Variants in FAM50B observed in about 807,000 individuals in gnomAD.
The protein encoded by FAM50B is protein FAM50B.
Under a neutral mutation model 25.4 loss-of-function variants are expected in FAM50B, and 9 were observed. The ratio of observed to expected loss-of-function variants is 0.35; its 90% confidence interval spans 0.21 to 0.62. The LOEUF is 0.62. Ranked by LOEUF, FAM50B falls within the 20% of genes least tolerant of loss-of-function variation. FAM50B has a pLI of 0.73. For synonymous variants in FAM50B, 212 were observed against 204.3 expected (o/e 1.04, Z -0.32); for missense variants, 372 against 477.9 (o/e 0.78, Z 2.07).
At chr6:3,841,679 AACACTAG>A in the FAM50B span, among the ~76,000 whole-genome samples, 1 of 152,230 alleles carries the variant, frequency 6.6e-6, no homozygotes, top group Non-Finnish European at 1.5e-5. Context: ...ACCCAAAGTC[AACACTAG>A]GTTCAGGCAT....
chr6:3,847,237 G>A (rs934637801), upstream of FAM50B, among the ~76,000 whole-genome samples: 2 of 152,228 alleles, frequency 1.3e-5, no homozygotes, highest in Non-Finnish European at 1.5e-5. Context: ...CTCCTCTCTA[G>A]ATATAAAAGT....
the FAM50B span, among the ~76,000 whole-genome samples, chr6:3,834,359 C>CAAAAAAAAAAAAAAAAAAAGAA: frequency 5.6e-4 from 42 of 74,946 alleles, no homozygotes; most frequent in Non-Finnish European, 7.8e-4. Context: ...TGATATATGG[C>CAAAAAAAAAAAAAAAAAAAGAA]AAAAAAAAAA....
chr6:3,835,825 C>T, the FAM50B span, among the ~76,000 whole-genome samples: 4 of 152,162 alleles, frequency 2.6e-5, no homozygotes, highest in East Asian at 3.8e-4. Context: ...CCAATTCTCC[C>T]GACACTGTGG....
rs1288238703 is a variant in FAM50B at position 3,850,631 on chromosome 6, G to A, written c.820G>A (p.Val274Met). 2.5e-6 allele frequency: 4 copies of A among 1,614,008 alleles called. No homozygotes were observed. The African/African-American group carries it at 4.0e-5, about 16-fold the overall frequency. ...CTTCAGCTTCGATGTGCACGATGAC[G>A]TGCGCCTGCTCAGCGACGCCACCAT... Reference protein sequence around the residue: ...PLFSFDVHDDVRLLSDATMEK... With the variant: ...PLFSFDVHDDMRLLSDATMEK... The change falls in exon 2 of 2, where the codon GTG (valine) becomes ATG (methionine). Residue 274 changes from valine to methionine, a missense_variant. By Grantham distance (21) the Val-to-Met change is conservative (BLOSUM62 1). Around this residue, in one of 4 missense-constraint regions of FAM50B, gnomAD observed 27 missense variants for 61.6 expected, o/e 0.44. Transcript: ENST00000648326.
At chr6:3,849,508 C>T in intron 1 of FAM50B, 22 bp downstream of exon 1, 1 of 378,600 alleles carries the variant, frequency 2.6e-6, no homozygotes, top group Non-Finnish European at 4.8e-6. Flanking sequence ...CTCAGTAGCC[C>T]AACCCTCTCT....
the FAM50B span, among the ~76,000 whole-genome samples, chr6:3,834,874 T>TTAAAATTTTTATA: frequency 2.6e-4 from 39 of 152,332 alleles, no homozygotes; most frequent in South Asian, 7.7e-3. Flanking sequence ...CCCATTTATA[T>TTAAAATTTTTATA]TAAAATTAAC....
At chr6:3,841,274 T>A in the FAM50B span, among the ~76,000 whole-genome samples, 2 of 152,204 alleles carry the variant, frequency 1.3e-5, no homozygotes, top group Non-Finnish European at 2.9e-5. Flanking sequence ...CAACCACAGA[T>A]GATAATGCAA....
chr6:3,843,148 T>C, the FAM50B span, among the ~76,000 whole-genome samples: 2 of 152,330 alleles, frequency 1.3e-5, no homozygotes, highest in African/African-American at 4.8e-5. Context: ...GGCCAGACAT[T>C]TCAATCTATC....
chr6:3,839,774 T>C, the FAM50B span, among the ~76,000 whole-genome samples: 2 of 152,166 alleles, frequency 1.3e-5, no homozygotes, highest in African/African-American at 4.8e-5. Flanking sequence ...GGTTAAACTA[T>C]TAATATCAAC....
chr6:3,850,410 C>T lies in FAM50B; in HGVS notation c.599C>T (p.Thr200Met), dbSNP rs144921822. The T allele has an allele frequency of 4.9e-4, 795 of 1,613,332 alleles. 3 individuals are homozygous for T. In the Middle Eastern group the frequency reaches 6.1e-3, roughly 12 times the overall value. ...TGGGACGGCTCGGGCCACCGGCGCA[C>T]GGTGCGGGTGCGCAAGGGCAACACG... ...SYWDGSGHRR[T>M]VRVRKGNTVQ... The change falls in exon 2 of 2, where the codon ACG (threonine) becomes ATG (methionine). Residue 200 changes from threonine (T) to methionine (M), a missense_variant. Thr to Met is a moderately conservative substitution (Grantham distance 81, BLOSUM62 -1). Coordinates refer to ENST00000648326, the MANE Select transcript of FAM50B (RefSeq NM_012135.3).
Position 3,850,286 on chromosome 6 carries a change from G to A in FAM50B, c.475G>A (p.Glu159Lys), listed in dbSNP as rs769437441. 2.5e-5 allele frequency: 41 copies of A among 1,612,806 alleles called. No individual in the cohort carries two copies. The highest frequency in any genetic ancestry group is 3.3e-5 in the Non-Finnish European group (39 of 1,179,576). Reference protein sequence around the residue: ...DTSFLPDRDREEEENRLREEL... With the variant: ...DTSFLPDRDRKEEENRLREEL... ...CAGCTTCCTGCCAGACCGCGACCGCGAGGAGGAGGAGAACCGGCTCCGAGA... is the reference window on the plus strand; with the variant it reads ...CAGCTTCCTGCCAGACCGCGACCGCAAGGAGGAGGAGAACCGGCTCCGAGA... Residue 159 changes from glutamate to lysine, a missense_variant, in exon 2 of 2, where the codon GAG becomes AAG. By Grantham distance (56) the Glu-to-Lys change is moderately conservative (BLOSUM62 1). Around this residue, in one of 4 missense-constraint regions of FAM50B, gnomAD observed 224 missense variants for 232.2 expected, o/e 0.96. Transcript: ENST00000648326.
At chr6:3,847,328 T>C (rs1231508783), upstream of FAM50B, among the ~76,000 whole-genome samples, 1 of 152,258 alleles carries the variant, frequency 6.6e-6, no homozygotes, top group East Asian at 1.9e-4. Context: ...CCGTCATCAG[T>C]GCTCTTAGCT....
rs1159224505 is a variant in FAM50B at position 3,849,456 on chromosome 6, C to T, written c.-54C>T. ...TGGTTCTCGTGGAGGTCAGCTCCCG[C>T]GTGTCTCCGCTCGACAGGGTGCTTG... is the stretch of plus-strand genomic sequence containing the variant. On this transcript the variant is annotated 5_prime_UTR_variant, in exon 1 of 2. Transcript: ENST00000648326. 2 of 218,614 alleles carry T rather than the reference C, an allele frequency of 9.1e-6. No individual in the cohort carries two copies. The highest frequency in any genetic ancestry group is 1.8e-5 in the Non-Finnish European group (2 of 110,042). The allele number at this position is 218,614 out of a possible 1,614,324, so 13.5% of individuals were successfully genotyped here.
At chr6:3,835,862 C>G in the FAM50B span, among the ~76,000 whole-genome samples, 1 of 152,220 alleles carries the variant, frequency 6.6e-6, no homozygotes, top group South Asian at 2.1e-4. Context: ...GGGACTATTT[C>G]CACTCTGCAT....
rs768080374 is a variant in FAM50B at position 3,850,226 on chromosome 6, G to A, written c.415G>A (p.Ala139Thr). Residue 139 changes from alanine to threonine, a missense_variant, in exon 2 of 2, where the codon GCC becomes ACC. Ala to Thr is a moderately conservative substitution (Grantham distance 58). Around this residue, in one of 4 missense-constraint regions of FAM50B, gnomAD observed 224 missense variants for 232.2 expected, o/e 0.96. Transcript: ENST00000648326. The stretch of plus-strand genomic sequence containing the variant: ...GGCCGACGCGGCCGAGGCCAGGCGC[G>A]CCGGAAACCTGGGCAAGAACCCCGA... ...DQADAAEARRAGNLGKNPDVD... is the reference protein window; with the variant it reads ...DQADAAEARRTGNLGKNPDVD... 7 of 1,613,280 alleles carry A rather than the reference G, an allele frequency of 4.3e-6. No homozygotes were observed. The South Asian group carries it at 7.7e-5, about 18-fold the overall frequency.
At chr6:3,848,718 T>A (rs918305552), upstream of FAM50B, among the ~76,000 whole-genome samples, 1 of 152,176 alleles carries the variant, frequency 6.6e-6, no homozygotes, top group Admixed American at 6.5e-5. Context: ...CAGTGGAAAC[T>A]GGCATGTTAG....
rs1377986331 is a variant in FAM50B, at chr6:3,850,024, C to T, written c.213C>T (p.Asn71=). The part of the protein sequence containing the change: ...KSSTVGLVTL[N]DMKARQEALV... ...GCACGGTGGGCCTGGTGACCCTGAA[C>T]GACATGAAGGCCCGGCAGGAGGCCC... Residue 71 remains asparagine (N), a synonymous_variant, in exon 2 of 2, where the codon AAC becomes AAT. Coordinates refer to ENST00000648326, the MANE Select transcript of FAM50B (RefSeq NM_012135.3). The T allele has an allele frequency of 1.9e-6, 3 of 1,613,500 alleles. No homozygotes were observed. Among genetic ancestry groups the T allele is most frequent in the Non-Finnish European group, 2.5e-6 (3 of 1,179,760 alleles).
chr6:3,841,038 GA>G, the FAM50B span, among the ~76,000 whole-genome samples: 1 of 152,124 alleles, frequency 6.6e-6, no homozygotes, highest in Non-Finnish European at 1.5e-5. Context: ...TTCTTTTGTG[GA>G]TTTCTTACCA....
the FAM50B span, among the ~76,000 whole-genome samples, chr6:3,838,185 C>T: frequency 6.6e-6 from 1 of 152,098 alleles, no homozygotes; most frequent in African/African-American, 2.4e-5. Flanking sequence ...GTAGTGCATG[C>T]CTATAATAAC....
Sources: gnomAD v4.1 joint callset for allele counts (sites outside exome capture counted in the v4.1 genomes callset) on GRCh38, gnomAD v4.1.1 for gene constraint, gnomAD v4.1.1 regional missense constraint, MANE v1.5 for transcripts, NCBI Gene and HGNC (gene_info 2026-07-23, HGNC 2026-07-21) for gene names.